TXN2: variants seen among roughly 807,000 people sequenced by gnomAD.
The protein encoded by TXN2 is thioredoxin, mitochondrial.
In TXN2, 12 loss-of-function variants were observed where a neutral mutation model predicts 14.6. The ratio of observed to expected loss-of-function variants is 0.82; its 90% CI spans 0.53 to 1.33. TXN2 has a LOEUF of 1.33. TXN2 is among the 40% of genes most tolerant of loss of function. The probability of loss-of-function intolerance (pLI) is 0.00; values close to 1 mark genes in which losing one functional copy is unlikely to be tolerated. For missense variants in TXN2, 173 were observed against 207.7 expected (o/e 0.83, Z 1.03); for synonymous variants, 89 against 81.0 (o/e 1.10, Z -0.53).
intron 2 of TXN2, among the ~76,000 whole-genome samples, chr22:36,477,498 G>A (rs1933410381): frequency 6.6e-6 from 1 of 152,176 alleles, no homozygotes; most frequent in Non-Finnish European, 1.5e-5. Flanking sequence ...ATGAGCCACC[G>A]CGCCCGGCCT....
At chr22:36,478,115 C>T (rs994899560) in intron 2 of TXN2, among the ~76,000 whole-genome samples, 9 of 129,342 alleles carry the variant, frequency 7.0e-5, no homozygotes, top group Non-Finnish European at 9.4e-5. Flanking sequence ...CCAGCCTGGG[C>T]GACAGAGACT....
intron 3 of TXN2, among the ~76,000 whole-genome samples, chr22:36,470,719 T>C (rs887228001): frequency 6.6e-6 from 1 of 151,116 alleles, no homozygotes; most frequent in East Asian, 1.9e-4. Flanking sequence ...GAGGACTGCT[T>C]GAGGTCAGGA....
chr22:36,481,574 T>A lies in TXN2; in HGVS notation c.-11A>T. 1.0e-6 allele frequency: 1 copy of A among 999,904 alleles called. No homozygotes were observed. Among genetic ancestry groups the A allele is most frequent in the Non-Finnish European group, 1.2e-6 (1 of 829,932 alleles). The allele number at this position is 999,904 out of a possible 1,614,324, so 61.9% of individuals were successfully genotyped here. On this transcript the variant is annotated 5_prime_UTR_variant, in exon 1 of 4. Transcript: ENST00000216185. ...CCACAGGGCTCCTACCTCCCTGCAA[T>A]GCGAGCGGAGGGATGCACAGCCTAG...
intron 3 of TXN2, among the ~76,000 whole-genome samples, chr22:36,469,853 G>A (rs976649431): frequency 2.0e-5 from 3 of 152,194 alleles, no homozygotes; most frequent in East Asian, 3.8e-4. Context: ...CTACTCGGGA[G>A]GCTGAGGCAG....
chr22:36,467,943 A>C lies in TXN2; in HGVS notation c.388-26T>G, dbSNP rs1343877364. The stretch of plus-strand genomic sequence containing the variant: ...CTGGGTGGAGAGGACAAGGGGGTCC[A>C]AGTGAATTGGGAGTGAATACTTCTC... On this transcript the variant is annotated intron_variant, in intron 3 of 3. Transcript: ENST00000216185. The C allele has an allele frequency of 1.9e-6, 3 of 1,596,826 alleles. No individual in the cohort carries two copies. In the African/African-American group the frequency reaches 4.0e-5, roughly 21 times the overall value.
intron 3 of TXN2, among the ~76,000 whole-genome samples, chr22:36,476,127 T>C (rs1933380343): frequency 6.6e-6 from 1 of 152,182 alleles, no homozygotes; most frequent in Non-Finnish European, 1.5e-5. Context: ...CCCAAATGAC[T>C]GCTCACTGAA....
In TXN2 at chr22:36,467,869, C is replaced by T; in HGVS notation, c.436G>A (p.Asp146Asn). Reference sequence around the variant, plus strand: ...TCATCCTTGATGCCCACAAACTTGTCCACCACGTCCCCATTCTTCATGGCC... The same window carrying T: ...TCATCCTTGATGCCCACAAACTTGTTCACCACGTCCCCATTCTTCATGGCC... ...VLAMKNGDVV[D>N]KFVGIKDEDQ... The change falls in exon 4 of 4, where the codon GAC (aspartate) becomes AAC (asparagine). Residue 146 changes from aspartate (D) to asparagine (N), a missense_variant. By Grantham distance (23) the Asp-to-Asn change is conservative. Transcript: ENST00000216185. 6.2e-7 allele frequency: 1 copy of T among 1,614,222 alleles called. No homozygotes were observed. The highest frequency in any genetic ancestry group is 8.5e-7 in the Non-Finnish European group (1 of 1,180,048).
At chr22:36,470,016 T>A (rs1486990498) in intron 3 of TXN2, among the ~76,000 whole-genome samples, 2 of 152,090 alleles carry the variant, frequency 1.3e-5, no homozygotes, top group African/African-American at 2.4e-5. Flanking sequence ...TTTTCTTACA[T>A]ACAAATTAAA....
Position 36,467,260 on chromosome 22 carries a change from G to A in TXN2, c.*544C>T, listed in dbSNP as rs953955186. The A allele has an allele frequency of 6.5e-6, 1 of 153,178 alleles. No homozygotes were observed. The highest frequency in any genetic ancestry group is 1.5e-5 in the Non-Finnish European group (1 of 68,666). The allele number at this position is 153,178 out of a possible 1,614,324, so 9.5% of individuals were successfully genotyped here. On this transcript the variant is annotated 3_prime_UTR_variant, in exon 4 of 4. Transcript: ENST00000216185. ...GAATGGGTGACTAGAGGGGATTTCA[G>A]TGTGGGACCCAGGGTCTGTTCTTCA...
At position 36,467,227 on chromosome 22, in the gene TXN2, G is replaced by C. The variant is rs976468156; in HGVS notation, c.*577C>G. On this transcript the variant is annotated 3_prime_UTR_variant, in exon 4 of 4. Transcript: ENST00000216185. ...CCCCTGCCTGGGAGGCAGCTCCCTG[G>C]GGGGTGGGAATGGGTGACTAGAGGG... 1 of 152,768 alleles carries C rather than the reference G, an allele frequency of 6.5e-6. No individual in the cohort carries two copies. Among genetic ancestry groups the C allele is most frequent in the Non-Finnish European group, 1.5e-5 (1 of 68,346 alleles). 9.5% of individuals were successfully genotyped at this position (152,768 alleles called of 1,614,324 possible). A position where few individuals can be genotyped will look rare whatever the true frequency, so the allele number is the denominator to read the frequency against.
intron 2 of TXN2, among the ~76,000 whole-genome samples, chr22:36,480,008 C>T (rs1466489218): frequency 1.3e-5 from 2 of 151,842 alleles, no homozygotes; most frequent in African/African-American, 4.8e-5. Flanking sequence ...CTCAGCCTCC[C>T]GAGTAGCTGG....
intron 3 of TXN2, 94 bp from the exon 4 acceptor site, chr22:36,468,011 T>A: frequency 9.3e-7 from 1 of 1,072,896 alleles, no homozygotes; most frequent in Non-Finnish European, 1.4e-6. Context: ...TGGTGGCTTA[T>A]CCAGGGCACT....
At chr22:36,477,507 C>T (rs1349046127) in intron 2 of TXN2, among the ~76,000 whole-genome samples, 1 of 152,208 alleles carries the variant, frequency 6.6e-6, no homozygotes, top group African/African-American at 2.4e-5. Context: ...CGCGCCCGGC[C>T]TGGGCCCTAG....
chr22:36,474,397 C>A (rs1933345512), intron 3 of TXN2, among the ~76,000 whole-genome samples: 1 of 152,316 alleles, frequency 6.6e-6, no homozygotes. Context: ...CCTGTTCTCA[C>A]CCCGCTCCCA....
chr22:36,474,424 T>C (rs2267337), intron 3 of TXN2, among the ~76,000 whole-genome samples: 116,133 of 152,094 alleles, frequency 0.76, 45,321 homozygotes, highest in Non-Finnish European at 0.81. Flanking sequence ...CATTTCTTGC[T>C]GCAGGAGACT....
chr22:36,471,306 C>T (rs1030460678), intron 3 of TXN2, among the ~76,000 whole-genome samples: 3 of 152,196 alleles, frequency 2.0e-5, no homozygotes, highest in Non-Finnish European at 1.5e-5. Context: ...CCTCTGAACT[C>T]GGCAGGAGTG....
At chr22:36,480,918 G>A in intron 1 of TXN2, 81 bp from the exon 2 acceptor site, 1 of 1,438,164 alleles carries the variant, frequency 7.0e-7, no homozygotes, top group Non-Finnish European at 9.2e-7. Context: ...AGTACTCAGG[G>A]CTCAGGAAGA....
At chr22:36,470,197 C>T (rs1427415062) in intron 3 of TXN2, among the ~76,000 whole-genome samples, 3 of 152,192 alleles carry the variant, frequency 2.0e-5, no homozygotes, top group Admixed American at 6.5e-5. Context: ...CACCCACTAA[C>T]TTTACGTGGC....
chr22:36,467,733 G>A lies in TXN2; in HGVS notation c.*71C>T, dbSNP rs1933189978. 1 of 1,315,292 alleles carries A rather than the reference G, an allele frequency of 7.6e-7. No individual in the cohort carries two copies. Among genetic ancestry groups the A allele is most frequent in the Admixed American group, 1.7e-5 (1 of 58,980 alleles). 81.5% of individuals were successfully genotyped at this position (1,315,292 alleles called of 1,614,324 possible). A position where few individuals can be genotyped will look rare whatever the true frequency, so the allele number is the denominator to read the frequency against. ...CAGACAGGAGGGAGGCAGCAGGAAG[G>A]GCTGGCATGGAAGGGCTGAGTTCTA... On this transcript the variant is annotated 3_prime_UTR_variant, in exon 4 of 4. Coordinates refer to ENST00000216185, the MANE Select transcript of TXN2 (RefSeq NM_012473.4).
Sources: gnomAD v4.1 joint callset for allele counts (sites outside exome capture counted in the v4.1 genomes callset) on GRCh38, gnomAD v4.1.1 for gene constraint, MANE v1.5 for transcripts, NCBI Gene and HGNC (gene_info 2026-07-23, HGNC 2026-07-21) for gene names.